The following CDADC1 variants were observed in gnomAD, a reference collection of about 807,000 sequenced individuals.
CDADC1 encodes the protein dCTP deaminase.
In CDADC1, 39 loss-of-function variants were observed where a neutral mutation model predicts 54.9. That is an observed-to-expected ratio of 0.71 (90% CI 0.55 to 0.93). CDADC1 has a LOEUF of 0.93. CDADC1 is among the 40% of genes least tolerant of loss of function. CDADC1 has a pLI of 0.00. For synonymous variants in CDADC1, 186 were observed against 204.0 expected, an observed-to-expected ratio of 0.91 and a Z score of 0.75; for missense variants, 518 against 618.8, an observed-to-expected ratio of 0.84 and a Z score of 1.73.
chr13:49,274,625 C>T (rs1486664560), intron 6 of CDADC1, among the ~76,000 whole-genome samples: 1 of 151,824 alleles, frequency 6.6e-6, no homozygotes, highest in Non-Finnish European at 1.5e-5. Context: ...GAGCAGAGAT[C>T]GTGCCACTGC....
chr13:49,289,816 G>A (rs556657223), intron 9 of CDADC1, among the ~76,000 whole-genome samples: 3 of 152,266 alleles, frequency 2.0e-5, no homozygotes, highest in Admixed American at 6.5e-5. Context: ...AGACTGAAGC[G>A]GGCCAATTGC....
At chr13:49,278,651 T>A in intron 7 of CDADC1, 132 bp downstream of exon 7, 1 of 705,570 alleles carries the variant, frequency 1.4e-6, no homozygotes, top group Non-Finnish European at 2.2e-6. Context: ...ATAACTTTGG[T>A]AAAGCTTGGT....
rs769489151 is a variant in CDADC1, at chr13:49,267,675, A to T, written c.616A>T (p.Thr206Ser). The T allele has an allele frequency of 1.2e-6, 2 of 1,613,486 alleles. No homozygotes were observed. The highest frequency in any genetic ancestry group is 1.7e-6 in the Non-Finnish European group (2 of 1,179,776). Reference sequence around the variant, plus strand: ...TTATATGGTGCAGTTTGTAGAGGAGACCTCTTACAAATGTGACTTTATTCA... The same window carrying T: ...TTATATGGTGCAGTTTGTAGAGGAGTCCTCTTACAAATGTGACTTTATTCA... ...VCYMVQFVEE[T>S]SYKCDFIQKI... Residue 206 changes from threonine (T) to serine (S), a missense_variant, in exon 5 of 10, where the codon ACC becomes TCC. Transcript: ENST00000251108.
intron 9 of CDADC1, 133 bp from the exon 10 acceptor site, chr13:49,291,551 A>C: frequency 1.3e-6 from 1 of 758,464 alleles, no homozygotes; most frequent in South Asian, 2.3e-5. Context: ...TACAATTGAG[A>C]ATTTGAAGAT....
intron 9 of CDADC1, among the ~76,000 whole-genome samples, chr13:49,288,447 A>G (rs1279286491): frequency 6.6e-6 from 1 of 152,166 alleles, no homozygotes; most frequent in Non-Finnish European, 1.5e-5. Context: ...TCTCATGCCT[A>G]TTTGCAGTCA....
chr13:49,271,298 G>A (rs912395860), intron 5 of CDADC1, among the ~76,000 whole-genome samples: 1 of 152,156 alleles, frequency 6.6e-6, no homozygotes, highest in African/African-American at 2.4e-5. Flanking sequence ...GCAGGAGGAA[G>A]GCATCAAAAA....
At chr13:49,254,981 C>T (rs1027991101) in intron 2 of CDADC1, among the ~76,000 whole-genome samples, 3 of 152,148 alleles carry the variant, frequency 2.0e-5, no homozygotes, top group Non-Finnish European at 4.4e-5. Flanking sequence ...AACAGATGAC[C>T]ACAAAGTTGG....
intron 8 of CDADC1, among the ~76,000 whole-genome samples, chr13:49,282,236 G>GTTTTTTTTTTTTTTTTTTTTTTTTTTT (rs759792512): frequency 1.1e-4 from 10 of 94,142 alleles, no homozygotes; most frequent in Non-Finnish European, 1.2e-4. Context: ...GTTTTTGTGG[G>GTTTTTTTTTTTTTTTTTTTTTTTTTTT]TTTTTTTTTT....
chr13:49,270,550 T>C (rs1179519911), intron 5 of CDADC1, among the ~76,000 whole-genome samples: 1 of 152,214 alleles, frequency 6.6e-6, no homozygotes, highest in Non-Finnish European at 1.5e-5. Context: ...GTACATATAC[T>C]GTTATATAGG....
intron 5 of CDADC1, among the ~76,000 whole-genome samples, chr13:49,273,489 A>G (rs973826654): frequency 2.0e-5 from 3 of 152,214 alleles, no homozygotes; most frequent in Admixed American, 2.0e-4. Flanking sequence ...CTTAATATGT[A>G]GAATTTCTAT....
chr13:49,272,665 T>C (rs192998093), intron 5 of CDADC1, among the ~76,000 whole-genome samples: 9 of 150,744 alleles, frequency 6.0e-5, no homozygotes, highest in Non-Finnish European at 8.9e-5. Flanking sequence ...TTCTTTTTTT[T>C]TTTTTTTTTT....
At chr13:49,259,289 A>G (rs1952615288) in intron 3 of CDADC1, 57 bp from the exon 4 acceptor site, 1 of 1,155,960 alleles carries the variant, frequency 8.7e-7, no homozygotes, top group South Asian at 1.6e-5. Flanking sequence ...AGTATAATCC[A>G]TAATATGATT....
At chr13:49,278,593 G>A (rs1228203777) in intron 7 of CDADC1, 74 bp downstream of exon 7, 4 of 1,083,920 alleles carry the variant, frequency 3.7e-6, no homozygotes, top group South Asian at 4.1e-5. Flanking sequence ...TCTTATAATT[G>A]TAATTTATTT....
chr13:49,284,077 A>T (rs9562874), intron 8 of CDADC1, among the ~76,000 whole-genome samples: 15 of 152,328 alleles, frequency 9.8e-5, no homozygotes, highest in African/African-American at 3.6e-4. Flanking sequence ...AGACCTTGAG[A>T]TAAGTAGTTC....
chr13:49,261,280 C>A (rs748011192), intron 4 of CDADC1, among the ~76,000 whole-genome samples: 6 of 152,194 alleles, frequency 3.9e-5, no homozygotes, highest in African/African-American at 1.4e-4. Context: ...AGAAACCTCT[C>A]GGCCTGCAAC....
intron 5 of CDADC1, among the ~76,000 whole-genome samples, chr13:49,271,538 C>G (rs1952964979): frequency 6.6e-6 from 1 of 151,694 alleles, no homozygotes; most frequent in Non-Finnish European, 1.5e-5. Flanking sequence ...ATGCAGATTC[C>G]TAAGCCTTGC....
intron 8 of CDADC1, among the ~76,000 whole-genome samples, chr13:49,282,236 G>GTTTTTTTTTTTTTTTTTTTT (rs759792512): frequency 7.4e-5 from 7 of 94,138 alleles, no homozygotes; most frequent in Admixed American, 3.7e-4. Flanking sequence ...GTTTTTGTGG[G>GTTTTTTTTTTTTTTTTTTTT]TTTTTTTTTT....
At chr13:49,252,150 C>G (rs1593786013) in intron 2 of CDADC1, among the ~76,000 whole-genome samples, 1 of 152,204 alleles carries the variant, frequency 6.6e-6, no homozygotes, top group Non-Finnish European at 1.5e-5. Context: ...ACTCTTAGCT[C>G]CTGGTCCTGG....
At chr13:49,263,341 A>T (rs770632813) in intron 4 of CDADC1, among the ~76,000 whole-genome samples, 2 of 152,148 alleles carry the variant, frequency 1.3e-5, no homozygotes, top group African/African-American at 2.4e-5. Flanking sequence ...TTTTGATGGG[A>T]TTGGTGGTGA....
Sources: allele counts gnomAD v4.1 joint callset (sites outside exome capture counted in the v4.1 genomes callset), GRCh38; gene constraint gnomAD v4.1.1; transcripts MANE v1.5; gene names NCBI Gene and HGNC (gene_info 2026-07-23, HGNC 2026-07-21).